KIF27: variants seen among roughly 807,000 people sequenced by gnomAD.
KIF27 encodes the protein kinesin-like protein KIF27.
In KIF27, 84 loss-of-function variants were observed where a neutral mutation model predicts 141.8. The observed-to-expected ratio is 0.59, with a 90% CI of 0.50 to 0.71. KIF27 has a LOEUF of 0.71. Ranked by LOEUF, KIF27 falls within the 30% of genes least tolerant of loss-of-function variation. The pLI, the probability that KIF27 is intolerant of heterozygous loss-of-function variation, is 0.00. For synonymous variants in KIF27, 471 were observed against 569.5 expected (o/e 0.83, Z 2.46); for missense variants, 1,306 against 1,628.4 (o/e 0.80, Z 3.41).
At chr9:83,918,949 G>C (rs1955978120) in intron 1 of KIF27, among the ~76,000 whole-genome samples, 1 of 152,144 alleles carries the variant, frequency 6.6e-6, no homozygotes, top group African/African-American at 2.4e-5. Flanking sequence ...GGTGGTGGGC[G>C]CCTATAATCC....
At chr9:83,856,236 G>A (rs1949183303) in intron 14 of KIF27, among the ~76,000 whole-genome samples, 1 of 152,106 alleles carries the variant, frequency 6.6e-6, no homozygotes, top group African/African-American at 2.4e-5. Context: ...GTTGCTGCTG[G>A]TCCAGAGACC....
rs1414992383 is a variant in KIF27, at chr9:83,903,365, G to T, written c.1153C>A (p.Arg385=). 1.2e-6 allele frequency: 2 copies of T among 1,614,058 alleles called. No individual in the cohort carries two copies. The highest frequency in any genetic ancestry group is 8.5e-7 in the Non-Finnish European group (1 of 1,180,022). ...AGVSQTTQIN[R]EGSPDTNRIH... The stretch of plus-strand genomic sequence containing the variant: ...CTATTTGTATCAGGACTCCCTTCTC[G>T]ATTGATCTGGGTAGTTTGGCTGACA... The change falls in exon 4 of 18, where the codon CGA becomes AGA. Residue 385 remains arginine (R), a synonymous_variant. Transcript: ENST00000297814.
intron 13 of KIF27, among the ~76,000 whole-genome samples, chr9:83,860,997 G>A (rs1323015705): frequency 6.6e-6 from 1 of 151,818 alleles, no homozygotes; most frequent in East Asian, 1.9e-4. Flanking sequence ...GATTGCTTCA[G>A]ATCTTAAACT....
chr9:83,903,702 C>T lies in KIF27; in HGVS notation c.816G>A (p.Leu272=). The change falls in exon 4 of 18, where the codon CTG becomes CTA. Residue 272 remains leucine (L), a synonymous_variant. Coordinates refer to ENST00000297814, the MANE Select transcript of KIF27 (RefSeq NM_017576.4). ...GAGCGCTTATTACATTTCCTAAAGC[C>T]AGCAATCCACTATTGATTTGAATGG... ...KESIQINSGL[L]ALGNVISALG... is the part of the protein sequence containing the mutation. The T allele has an allele frequency of 6.2e-7, 1 of 1,614,120 alleles. No homozygotes were observed. Among genetic ancestry groups the T allele is most frequent in the Non-Finnish European group, 8.5e-7 (1 of 1,180,028 alleles).
At position 83,887,081 on chromosome 9, in the gene KIF27, G is replaced by A. The variant is rs779864352; in HGVS notation, c.2199C>T (p.Ile733=). 1.9e-6 allele frequency: 3 copies of A among 1,599,706 alleles called. No homozygotes were observed. Among genetic ancestry groups the A allele is most frequent in the Non-Finnish European group, 2.6e-6 (3 of 1,175,418 alleles). ...KQKMRELTIN[I]KMKEDLIKEL... ...CTTTAATCAGATCTTCCTTCATCTT[G>A]ATGTTAATTGTAAGTTCTCTCATTT... Residue 733 remains isoleucine, a synonymous_variant, in exon 9 of 18, where the codon ATC becomes ATT. Transcript: ENST00000297814.
chr9:83,878,681 A>C (rs1418219950), intron 11 of KIF27, among the ~76,000 whole-genome samples: 1 of 152,254 alleles, frequency 6.6e-6, no homozygotes, highest in Non-Finnish European at 1.5e-5. Context: ...AATTCTACTT[A>C]TATGAAGTAT....
At chr9:83,879,450 C>T (rs1045506105) in intron 11 of KIF27, among the ~76,000 whole-genome samples, 1 of 150,206 alleles carries the variant, frequency 6.7e-6, no homozygotes, top group Non-Finnish European at 1.5e-5. Context: ...CTGCACCTTC[C>T]TTTCAATTTT....
chr9:83,903,090 G>C lies in KIF27; in HGVS notation c.1428C>G (p.Leu476=), dbSNP rs1355077597. The C allele has an allele frequency of 6.2e-7, 1 of 1,613,556 alleles. No homozygotes were observed. Among genetic ancestry groups the C allele is most frequent in the South Asian group, 1.1e-5 (1 of 91,038 alleles). Residue 476 remains leucine (L), a synonymous_variant, in exon 4 of 18, where the codon CTC becomes CTG. Coordinates refer to ENST00000297814, the MANE Select transcript of KIF27 (RefSeq NM_017576.4). ...ATTTCTTAAGCTCTCTCTTCAGCTG[G>C]AGAACTGTAACATGCTGTGGTCCTT... ...LEEGPQHVTV[L]QLKRELKKCQ... is the part of the protein sequence containing the mutation.
Position 83,880,381 on chromosome 9 carries a change from T to G in KIF27, c.2559A>C (p.Ile853=), listed in dbSNP as rs747743423. The G allele has an allele frequency of 8.8e-6, 14 of 1,595,516 alleles. No homozygotes were observed. The East Asian group carries it at 3.2e-4, about 36-fold the overall frequency. ...CTTCTCGTAGTTTTCTTTGTAGCTG[T>G]ATCTTTTGATATTTCATGTGATCTA... ...QSVDHMKYQK[I]QLQRKLREEN... is the part of the protein sequence containing the mutation. The change falls in exon 11 of 18, where the codon ATA becomes ATC. Residue 853 remains isoleucine, a synonymous_variant. Coordinates refer to ENST00000297814, the MANE Select transcript of KIF27 (RefSeq NM_017576.4).
intron 17 of KIF27, 36 bp from the exon 18 acceptor site, chr9:83,837,521 A>G: frequency 1.3e-6 from 2 of 1,542,140 alleles, no homozygotes; most frequent in Non-Finnish European, 1.7e-6. Flanking sequence ...ATTAGATACT[A>G]TTTCCTCAAA....
chr9:83,873,920 C>A (rs968519611), intron 11 of KIF27, among the ~76,000 whole-genome samples: 1 of 151,976 alleles, frequency 6.6e-6, no homozygotes, highest in Non-Finnish European at 1.5e-5. Context: ...GGTGTGGTGG[C>A]AAGTGCCTGT....
chr9:83,840,562 G>A lies in KIF27; in HGVS notation c.3721+1675C>T, dbSNP rs181165471. Among the ~76,000 whole-genome samples, 503 of 150,494 alleles carry A rather than the reference G, an allele frequency of 3.3e-3. 5 individuals carry two copies. Among genetic ancestry groups the A allele is most frequent in the Non-Finnish European group, 2.9e-3 (198 of 67,454 alleles). On this transcript the variant is annotated intron_variant, in intron 17 of 17. Coordinates refer to ENST00000297814, the MANE Select transcript of KIF27 (RefSeq NM_017576.4). ...TAGTAGACTCGGTGGCATAAACATG[G>A]GCCATTTACAAACTAGATGTCTAAT...
chr9:83,916,236 T>C (rs563477040), intron 1 of KIF27, among the ~76,000 whole-genome samples: 1 of 152,268 alleles, frequency 6.6e-6, no homozygotes, highest in African/African-American at 2.4e-5. Flanking sequence ...TTTCACCATA[T>C]TGGCCAGGCT....
intron 5 of KIF27, among the ~76,000 whole-genome samples, chr9:83,898,127 A>G (rs1953461736): frequency 6.6e-6 from 1 of 152,216 alleles, no homozygotes; most frequent in Non-Finnish European, 1.5e-5. Context: ...ATGTGCACCG[A>G]GAGACACTGA....
intron 4 of KIF27, among the ~76,000 whole-genome samples, chr9:83,900,770 C>T (rs1169282218): frequency 1.3e-5 from 2 of 151,338 alleles, no homozygotes; most frequent in African/African-American, 4.9e-5. Context: ...TATATCACAA[C>T]TCCTATATAA....
At chr9:83,898,325 A>G (rs1359957180) in intron 5 of KIF27, among the ~76,000 whole-genome samples, 2 of 152,256 alleles carry the variant, frequency 1.3e-5, no homozygotes, top group Non-Finnish European at 2.9e-5. Flanking sequence ...TGGATGAATC[A>G]TAACAATGTT....
rs368483166 is a variant in KIF27, at chr9:83,903,381, T to C, written c.1137A>G (p.Gln379=). The change falls in exon 4 of 18, where the codon CAA becomes CAG. Residue 379 remains glutamine, a synonymous_variant. Transcript: ENST00000297814. ...ALQSQQAGVS[Q]TTQINREGSP... ...TCCCTTCTCGATTGATCTGGGTAGTTTGGCTGACACCAGCCTGCTGGCTTT... is the reference window on the plus strand; with the variant it reads ...TCCCTTCTCGATTGATCTGGGTAGTCTGGCTGACACCAGCCTGCTGGCTTT... The C allele has an allele frequency of 6.8e-6, 11 of 1,614,008 alleles. No individual in the cohort carries two copies. Among genetic ancestry groups the C allele is most frequent in the African/African-American group, 1.3e-5 (1 of 74,950 alleles).
In KIF27 at chr9:83,903,149, A is replaced by G; in HGVS notation, c.1369T>C (p.Phe457Leu). Residue 457 changes from phenylalanine to leucine, a missense_variant, in exon 4 of 18, where the codon TTT becomes CTT. Transcript: ENST00000297814. ...QEVRKAVLTS[F>L]RGIGGTASLE... Reference sequence around the variant, plus strand: ...CTTGCAGTGCCTCCGATTCCTCGAAATGAGGTGAGGACAGCCTTCCTGACC... The same window carrying G: ...CTTGCAGTGCCTCCGATTCCTCGAAGTGAGGTGAGGACAGCCTTCCTGACC... The G allele has an allele frequency of 6.2e-7, 1 of 1,614,164 alleles. No individual in the cohort carries two copies. Among genetic ancestry groups the G allele is most frequent in the Non-Finnish European group, 8.5e-7 (1 of 1,180,032 alleles).
At chr9:83,871,795 TCTC>T (rs926696494) in intron 11 of KIF27, among the ~76,000 whole-genome samples, 2 of 151,860 alleles carry the variant, frequency 1.3e-5, no homozygotes, top group African/African-American at 4.8e-5. Flanking sequence ...TTCAAGTAAT[TCTC>T]ATGCCTCAGC....
Sources: gnomAD v4.1 joint callset for allele counts (sites outside exome capture counted in the v4.1 genomes callset) on GRCh38, gnomAD v4.1.1 for gene constraint, MANE v1.5 for transcripts, NCBI Gene and HGNC (gene_info 2026-07-23, HGNC 2026-07-21) for gene names.